PDE4B: variants seen among roughly 807,000 people sequenced by gnomAD.
PDE4B encodes the protein phosphodiesterase 4B, also known as 3',5'-cyclic-AMP phosphodiesterase 4B.
In PDE4B, 20 loss-of-function variants were observed where a neutral mutation model predicts 82.2. The observed-to-expected ratio is 0.24, with a 90% CI of 0.17 to 0.35. The LOEUF (loss-of-function observed/expected upper bound fraction) is 0.35. PDE4B is among the 10% of genes least tolerant of loss of function. PDE4B has a pLI of 1.00. For synonymous variants in PDE4B, 320 were observed against 318.9 expected (o/e 1.00, Z -0.04); for missense variants, 655 against 907.2 (o/e 0.72, Z 3.57).
Position 66,214,446 on chromosome 1 carries a change from T to C in PDE4B, c.282-33014T>C, listed in dbSNP as rs555885399. Among the ~76,000 whole-genome samples, 3 of 152,266 alleles carry C rather than the reference T, an allele frequency of 2.0e-5. No homozygotes were observed. In the South Asian group the frequency reaches 6.2e-4, roughly 32 times the overall value. ...GGTGAATTCTTGTTTTCTCAGCACTTGCTCTTGGTTAGGTATTGGGCTGAG... is the reference window on the plus strand; with the variant it reads ...GGTGAATTCTTGTTTTCTCAGCACTCGCTCTTGGTTAGGTATTGGGCTGAG... On this transcript the variant is annotated intron_variant, in intron 3 of 16. Transcript: ENST00000341517.
chr1:66,197,047 C>G (rs915031245), intron 3 of PDE4B, among the ~76,000 whole-genome samples: 1 of 151,998 alleles, frequency 6.6e-6, no homozygotes, highest in Non-Finnish European at 1.5e-5. Context: ...AATTTGAAAA[C>G]AGGCAAATAA....
chr1:65,830,966 G>T (rs1269670119), intron 1 of PDE4B, among the ~76,000 whole-genome samples: 1 of 152,018 alleles, frequency 6.6e-6, no homozygotes, highest in Non-Finnish European at 1.5e-5. Flanking sequence ...TCTAAAAATT[G>T]TTAAAAATAA....
chr1:65,934,465 A>G (rs1648012707), intron 3 of PDE4B, among the ~76,000 whole-genome samples: 2 of 152,176 alleles, frequency 1.3e-5, no homozygotes. Flanking sequence ...AAAGAATAAA[A>G]AGACAGCTGT....
intron 7 of PDE4B, among the ~76,000 whole-genome samples, chr1:66,280,495 T>C (rs1191554646): frequency 6.6e-6 from 1 of 152,064 alleles, no homozygotes; most frequent in Non-Finnish European, 1.5e-5. Flanking sequence ...TCAGGGGAGG[T>C]AGGAGTGAGG....
intron 1 of PDE4B, among the ~76,000 whole-genome samples, chr1:65,847,922 TCGTAAGCAGATGACTGGGCCAATTG>T (rs1646285114): frequency 6.6e-6 from 1 of 151,684 alleles, no homozygotes; most frequent in African/African-American, 2.4e-5. Flanking sequence ...AATTCATAAA[TCGTAAGCAGATGACTGGGCCAATTG>T]TTTTTGGAAC....
chr1:65,885,683 G>A (rs576367952), intron 1 of PDE4B, among the ~76,000 whole-genome samples: 41 of 151,980 alleles, frequency 2.7e-4, no homozygotes, highest in African/African-American at 8.7e-4. Flanking sequence ...GACACAGGGC[G>A]GGGAACATCA....
intron 3 of PDE4B, among the ~76,000 whole-genome samples, chr1:65,951,500 A>T (rs556573817): frequency 6.6e-6 from 1 of 152,032 alleles, no homozygotes; most frequent in South Asian, 2.1e-4. Flanking sequence ...TCAGGACTTC[A>T]ATAGTTCTGA....
intron 3 of PDE4B, among the ~76,000 whole-genome samples, chr1:66,196,840 G>T (rs1050244056): frequency 6.6e-6 from 1 of 151,092 alleles, no homozygotes. Context: ...GGATAGCATT[G>T]GGAGATATAC....
chr1:66,182,978 G>A (rs764647294), intron 3 of PDE4B, among the ~76,000 whole-genome samples: 2 of 152,180 alleles, frequency 1.3e-5, no homozygotes, highest in Non-Finnish European at 2.9e-5. Flanking sequence ...ATATCACAAT[G>A]AGCCACATTT....
At chr1:66,188,279 T>A (rs375049374) in intron 3 of PDE4B, among the ~76,000 whole-genome samples, 10 of 151,574 alleles carry the variant, frequency 6.6e-5, no homozygotes, top group African/African-American at 2.2e-4. Context: ...TTGCAATAGG[T>A]GTGGTGTGGT....
At chr1:66,353,318 A>G (rs142472456) in intron 8 of PDE4B, among the ~76,000 whole-genome samples, 1 of 152,348 alleles carries the variant, frequency 6.6e-6, no homozygotes, top group Non-Finnish European at 1.5e-5. Flanking sequence ...GACATCTTTG[A>G]GAACAATGCC....
At chr1:65,885,537 A>G (rs1216967932) in intron 1 of PDE4B, among the ~76,000 whole-genome samples, 1 of 152,154 alleles carries the variant, frequency 6.6e-6, no homozygotes, top group African/African-American at 2.4e-5. Context: ...AGCCATAAAA[A>G]AGGATGAGTT....
At chr1:66,031,551 G>A (rs1340422853) in intron 3 of PDE4B, among the ~76,000 whole-genome samples, 1 of 152,160 alleles carries the variant, frequency 6.6e-6, no homozygotes, top group Non-Finnish European at 1.5e-5. Context: ...GAATTGGGCT[G>A]TAGCCTGCAA....
chr1:66,348,566 A>G (rs927284181), intron 8 of PDE4B, among the ~76,000 whole-genome samples: 3 of 152,014 alleles, frequency 2.0e-5, no homozygotes, highest in Non-Finnish European at 2.9e-5. Context: ...CTAAAAATAT[A>G]CAGTGCCCCT....
intron 3 of PDE4B, among the ~76,000 whole-genome samples, chr1:66,158,851 A>T (rs191970725): frequency 6.6e-6 from 1 of 152,338 alleles, no homozygotes; most frequent in East Asian, 1.9e-4. Flanking sequence ...AGAAAGACAA[A>T]TACTGCATGA....
chr1:66,082,641 A>AATATATATATATATATAT (rs67481716), intron 3 of PDE4B, among the ~76,000 whole-genome samples: 24 of 147,906 alleles, frequency 1.6e-4, no homozygotes, highest in African/African-American at 5.5e-4. Flanking sequence ...GGATTGAAAT[A>AATATATATATATATATAT]ATATATATAT....
intron 8 of PDE4B, among the ~76,000 whole-genome samples, chr1:66,353,114 G>T (rs890527055): frequency 6.6e-6 from 1 of 152,222 alleles, no homozygotes; most frequent in African/African-American, 2.4e-5. Flanking sequence ...CATTGTGACT[G>T]AGCAGTTGTG....
intron 3 of PDE4B, among the ~76,000 whole-genome samples, chr1:66,055,584 T>G (rs766858957): frequency 2.0e-5 from 3 of 152,024 alleles, no homozygotes; most frequent in Non-Finnish European, 4.4e-5. Context: ...AGGTCAGGAA[T>G]AAGAAATTAT....
chr1:66,175,109 G>C (rs575263843), intron 3 of PDE4B, among the ~76,000 whole-genome samples: 1 of 152,326 alleles, frequency 6.6e-6, no homozygotes, highest in Admixed American at 6.5e-5. Context: ...TACAATTCTA[G>C]ATGAGATTTG....
Sources: allele counts gnomAD v4.1 joint callset (sites outside exome capture counted in the v4.1 genomes callset), GRCh38; gene constraint gnomAD v4.1.1; transcripts MANE v1.5; gene names NCBI Gene and HGNC (gene_info 2026-07-23, HGNC 2026-07-21).